Variants in MICOS10 observed in about 807,000 individuals in gnomAD.
MICOS10 encodes MICOS complex subunit MIC10.
A neutral mutation model predicts 13.4 loss-of-function variants in MICOS10; 5 were observed. That is an observed-to-expected ratio of 0.37 (90% confidence interval 0.20 to 0.78). MICOS10 has a LOEUF of 0.78. Ranked by LOEUF, MICOS10 falls within the 30% of genes least tolerant of loss-of-function variation. The probability of loss-of-function intolerance (pLI) is 0.47; values close to 1 mark genes in which losing one functional copy is unlikely to be tolerated. For missense variants in MICOS10, 101 were observed against 94.6 expected (o/e 1.07, Z -0.28); for synonymous variants, 35 against 33.6 (o/e 1.04, Z -0.15).
At chr1:19,604,443 A>AAGTTGC (rs2094827346) in intron 1 of MICOS10, among the ~76,000 whole-genome samples, 1 of 152,182 alleles carries the variant, frequency 6.6e-6, no homozygotes, top group Non-Finnish European at 1.5e-5. Flanking sequence ...CGGGAGTAGC[A>AAGTTGC]AGTTGCAGTG....
chr1:19,611,244 G>A (rs566138805), intron 1 of MICOS10, among the ~76,000 whole-genome samples: 7 of 152,086 alleles, frequency 4.6e-5, no homozygotes, highest in South Asian at 2.1e-4. Flanking sequence ...AAGCCACTGC[G>A]CCTGGTCAAA....
intron 1 of MICOS10, 109 bp downstream of exon 1, chr1:19,597,218 G>T (rs892298398): frequency 1.7e-6 from 2 of 1,196,258 alleles, no homozygotes; most frequent in Non-Finnish European, 2.3e-6. Flanking sequence ...AGGCCTCTCG[G>T]CCTTTTCCGG....
Position 19,620,721 on chromosome 1 carries a change from CTTGATA to C in MICOS10, c.65-1373_65-1368del, listed in dbSNP as rs1416521533. On this transcript the variant is annotated intron_variant, in intron 1 of 3. Coordinates refer to ENST00000322753, the MANE Select transcript of MICOS10 (RefSeq NM_001032363.4). ...GAATTCTAGAGATTAAGATTTTCTA[CTTGATA>C]TTGATGGATGTGGAAGCATTGCTCA... Among the ~76,000 whole-genome samples, 6 of 152,146 alleles carry C rather than the reference CTTGATA, an allele frequency of 3.9e-5. No homozygotes were observed. The South Asian group carries it at 1.0e-3, about 26-fold the overall frequency.
intron 1 of MICOS10, among the ~76,000 whole-genome samples, chr1:19,621,889 G>A (rs2094904924): frequency 6.6e-6 from 1 of 152,106 alleles, no homozygotes; most frequent in African/African-American, 2.4e-5. Flanking sequence ...GAGAGAACAG[G>A]GAGTCAAGTT....
At chr1:19,626,331 G>A (rs943571509) in intron 3 of MICOS10, 56 bp from the exon 4 acceptor site, 8 of 1,612,658 alleles carry the variant, frequency 5.0e-6, no homozygotes, top group Admixed American at 1.7e-5. Flanking sequence ...AGCAATTAGA[G>A]AGGGTTGTCA....
At chr1:19,608,381 A>G (rs929160004) in intron 1 of MICOS10, 3 of 1,251,756 alleles carry the variant, frequency 2.4e-6, no homozygotes, top group East Asian at 2.3e-5. Context: ...GGAGCTGGGT[A>G]TCATTGCCCT....
intron 1 of MICOS10, among the ~76,000 whole-genome samples, chr1:19,611,788 A>G (rs12755710): frequency 6.6e-6 from 1 of 151,470 alleles, no homozygotes; most frequent in Non-Finnish European, 1.5e-5. Flanking sequence ...CCTGGCCAAC[A>G]TGGTGAAACC....
chr1:19,604,543 A>G (rs2100253737), intron 1 of MICOS10, among the ~76,000 whole-genome samples: 1 of 152,310 alleles, frequency 6.6e-6, no homozygotes, highest in East Asian at 1.9e-4. Context: ...CTGTCGCTGA[A>G]GAGTAGAGGT....
chr1:19,619,055 T>C (rs2094894614), intron 1 of MICOS10, among the ~76,000 whole-genome samples: 1 of 152,232 alleles, frequency 6.6e-6, no homozygotes, highest in South Asian at 2.1e-4. Context: ...CATAAGTTAT[T>C]GATAGATGAA....
chr1:19,599,553 A>G (rs530525898), intron 1 of MICOS10, among the ~76,000 whole-genome samples: 1 of 152,320 alleles, frequency 6.6e-6, no homozygotes, highest in Admixed American at 6.5e-5. Context: ...GTAGGGTTGT[A>G]TATTAAGTGA....
intron 1 of MICOS10, among the ~76,000 whole-genome samples, chr1:19,607,844 T>C (rs188464742): frequency 6.6e-6 from 1 of 152,308 alleles, no homozygotes; most frequent in East Asian, 1.9e-4. Context: ...TACAAGACAG[T>C]GTGGTGTTGG....
At chr1:19,615,577 C>CT (rs71579809) in intron 1 of MICOS10, among the ~76,000 whole-genome samples, 2,941 of 151,760 alleles carry the variant, frequency 0.019, 30 homozygotes, top group South Asian at 0.033. Context: ...CAACACTTTC[C>CT]TTTTTTTCCC....
chr1:19,603,699 AG>A (rs1219900808), intron 1 of MICOS10, among the ~76,000 whole-genome samples: 1 of 152,270 alleles, frequency 6.6e-6, no homozygotes, highest in Non-Finnish European at 1.5e-5. Flanking sequence ...TTATTCTAAT[AG>A]AAGTCAGGTT....
At chr1:19,603,972 T>G (rs1218013675) in intron 1 of MICOS10, among the ~76,000 whole-genome samples, 1 of 152,160 alleles carries the variant, frequency 6.6e-6, no homozygotes, top group Admixed American at 6.5e-5. Flanking sequence ...AGGCAAGCCA[T>G]GGACATTTAC....
chr1:19,625,664 A>C (rs1216365603), intron 3 of MICOS10: 4 of 1,273,056 alleles, frequency 3.1e-6, no homozygotes, highest in Non-Finnish European at 4.1e-6. Flanking sequence ...CATTGTTCCA[A>C]ACTGAGTTGT....
intron 1 of MICOS10, among the ~76,000 whole-genome samples, chr1:19,620,789 G>A (rs553580740): frequency 2.3e-4 from 35 of 152,236 alleles, no homozygotes; most frequent in African/African-American, 8.4e-4. Flanking sequence ...CAATGGAGTC[G>A]GCATCATTCT....
chr1:19,620,849 G>T (rs2094900768), intron 1 of MICOS10, among the ~76,000 whole-genome samples: 1 of 152,152 alleles, frequency 6.6e-6, no homozygotes, highest in African/African-American at 2.4e-5. Flanking sequence ...TTCTCCTTGG[G>T]GGAAAATAGA....
intron 1 of MICOS10, among the ~76,000 whole-genome samples, chr1:19,609,036 C>A (rs1171825640): frequency 1.8e-5 from 2 of 114,250 alleles, no homozygotes; most frequent in African/African-American, 6.9e-5. Context: ...GATGGGATCT[C>A]ACTCTGTCGC....
At position 19,626,784 on chromosome 1, in the gene MICOS10, G is replaced by A. The variant is rs573723726; in HGVS notation, c.*383G>A. The A allele has an allele frequency of 1.2e-4, 25 of 216,016 alleles. No individual in the cohort carries two copies. Among genetic ancestry groups the A allele is most frequent in the Non-Finnish European group, 2.3e-4 (24 of 104,862 alleles). 13.4% of individuals were successfully genotyped at this position (216,016 alleles called of 1,614,324 possible). A position where few individuals can be genotyped will look rare whatever the true frequency, so the allele number is the denominator to read the frequency against. On this transcript the variant is annotated 3_prime_UTR_variant, in exon 4 of 4. Transcript: ENST00000322753. Reference sequence around the variant, plus strand: ...ATCCTTCCCATTTGCCCCCTCAGGCGTAGTTTTCAGAACTGCTTCCACCTC... The same window carrying A: ...ATCCTTCCCATTTGCCCCCTCAGGCATAGTTTTCAGAACTGCTTCCACCTC...
Sources: gnomAD v4.1 joint callset for allele counts (sites outside exome capture counted in the v4.1 genomes callset) on GRCh38, gnomAD v4.1.1 for gene constraint, MANE v1.5 for transcripts, NCBI Gene and HGNC (gene_info 2026-07-23, HGNC 2026-07-21) for gene names.